The following SOX5 variants were observed in gnomAD, a reference collection of about 807,000 sequenced individuals.
SOX5 encodes the protein SRY-box transcription factor 5, also known as transcription factor SOX-5.
Under a neutral mutation model 92.0 loss-of-function variants are expected in SOX5, and 9 were observed. The ratio of observed to expected loss-of-function variants is 0.10; its 90% CI spans 0.06 to 0.17. SOX5 has a LOEUF of 0.17. Ranked by LOEUF, SOX5 falls within the 10% of genes least tolerant of loss-of-function variation. The pLI is 1.00. For missense variants in SOX5, 642 were observed against 944.5 expected, an observed-to-expected ratio of 0.68 and a Z score of 4.20; for synonymous variants, 344 against 336.3, an observed-to-expected ratio of 1.02 and a Z score of -0.25.
At chr12:24,421,936 G>C (rs939323512) in intron 1 of SOX5, among the ~76,000 whole-genome samples, 3 of 152,138 alleles carry the variant, frequency 2.0e-5, no homozygotes, top group African/African-American at 7.2e-5. Context: ...CATCAAACCT[G>C]GACAAAGGGC....
At chr12:23,793,953 T>C (rs2095519449) in intron 3 of SOX5, among the ~76,000 whole-genome samples, 2 of 152,202 alleles carry the variant, frequency 1.3e-5, no homozygotes, top group Non-Finnish European at 2.9e-5. Context: ...TCTCCAGGTC[T>C]GTTACCATCA....
At chr12:23,917,331 A>C (rs1428691483) in intron 1 of SOX5, among the ~76,000 whole-genome samples, 1 of 152,136 alleles carries the variant, frequency 6.6e-6, no homozygotes, top group Non-Finnish European at 1.5e-5. Context: ...ACATGATGCC[A>C]AGAGTTCGAG....
chr12:23,579,314 T>C lies in SOX5; in HGVS notation c.1165-3476A>G, dbSNP rs551028821. 1.5e-4 allele frequency among the ~76,000 whole-genome samples: 23 copies of C among 152,292 alleles called. No homozygotes were observed. In the South Asian group the frequency reaches 4.1e-3, roughly 27 times the overall value. On this transcript the variant is annotated intron_variant, in intron 9 of 14. Coordinates refer to ENST00000451604, the MANE Select transcript of SOX5 (RefSeq NM_006940.6). ...CAGAGGTTGACAGTTCCAAAGTTGATATAAATGTCATTCAAAATTGCCCTT... is the reference window on the plus strand; with the variant it reads ...CAGAGGTTGACAGTTCCAAAGTTGACATAAATGTCATTCAAAATTGCCCTT...
At chr12:24,365,405 T>G (rs746524439) in intron 2 of SOX5, among the ~76,000 whole-genome samples, 12 of 152,086 alleles carry the variant, frequency 7.9e-5, no homozygotes, top group Non-Finnish European at 1.3e-4. Context: ...TGTCTTCACC[T>G]TGTTAAAAGG....
At chr12:24,157,020 G>A (rs1168529421) in intron 4 of SOX5, among the ~76,000 whole-genome samples, 12 of 152,038 alleles carry the variant, frequency 7.9e-5, no homozygotes, top group Admixed American at 7.9e-4. Flanking sequence ...TTAGCATTTA[G>A]TACTTCTCTT....
intron 13 of SOX5, among the ~76,000 whole-genome samples, chr12:23,542,519 T>A (rs1023370794): frequency 6.6e-6 from 1 of 152,198 alleles, no homozygotes; most frequent in African/African-American, 2.4e-5. Context: ...TCCCCAACCA[T>A]TTTTCCTGTG....
At chr12:23,541,909 G>A (rs1284646608) in intron 13 of SOX5, among the ~76,000 whole-genome samples, 1 of 152,150 alleles carries the variant, frequency 6.6e-6, no homozygotes, top group African/African-American at 2.4e-5. Flanking sequence ...TCAGAACTTC[G>A]AGGCCAGCCT....
intron 1 of SOX5, among the ~76,000 whole-genome samples, chr12:24,561,746 A>G (rs1178724448): frequency 6.7e-6 from 1 of 149,970 alleles, no homozygotes; most frequent in Admixed American, 6.6e-5. Flanking sequence ...AGTGGTAGGG[A>G]GAAGGATTGC....
intron 4 of SOX5, among the ~76,000 whole-genome samples, chr12:24,151,719 T>C (rs1951674733): frequency 6.6e-6 from 1 of 152,170 alleles, no homozygotes; most frequent in African/African-American, 2.4e-5. Context: ...CTGCAGTTAC[T>C]GCTATGCCCT....
chr12:24,281,961 C>T (rs1028999403), intron 2 of SOX5, among the ~76,000 whole-genome samples: 12 of 44,182 alleles, frequency 2.7e-4, no homozygotes, highest in African/African-American at 1.8e-3. Context: ...TTCCTCGATG[C>T]GATTTCCGGG....
intron 4 of SOX5, among the ~76,000 whole-genome samples, chr12:23,975,371 C>T (rs867586547): frequency 2.0e-5 from 3 of 151,766 alleles, no homozygotes; most frequent in Non-Finnish European, 4.4e-5. Flanking sequence ...AAGTGTAAAG[C>T]GTGAAAGTAA....
intron 13 of SOX5, among the ~76,000 whole-genome samples, chr12:23,542,616 G>A (rs1942324875): frequency 1.3e-5 from 2 of 152,156 alleles, no homozygotes; most frequent in Admixed American, 1.3e-4. Context: ...TATTTAGTAT[G>A]ACTAAAAGTA....
Position 23,734,708 on chromosome 12 carries a change from G to A in SOX5, c.786C>T (p.Ile262=), listed in dbSNP as rs1414368700. 6.2e-7 allele frequency: 1 copy of A among 1,612,734 alleles called. No homozygotes were observed. The highest frequency in any genetic ancestry group is 8.5e-7 in the Non-Finnish European group (1 of 1,179,300). ...QQQLLQQQHK[I]NLLQQQIQVQ... Reference sequence around the variant, plus strand: ...CCTGGATCTGTTGCTGGAGCAAATTGATTTTGTGTTGTTGCTGTAGAAGCT... The same window carrying A: ...CCTGGATCTGTTGCTGGAGCAAATTAATTTTGTGTTGTTGCTGTAGAAGCT... The change falls in exon 6 of 15, where the codon ATC becomes ATT. Residue 262 remains isoleucine (I), a synonymous_variant. Transcript: ENST00000451604.
intron 3 of SOX5, among the ~76,000 whole-genome samples, chr12:24,239,281 T>C (rs750973137): frequency 1.2e-4 from 18 of 152,160 alleles, no homozygotes; most frequent in Non-Finnish European, 2.2e-4. Context: ...AGTAGCTCCC[T>C]GAATCAAAAA....
chr12:24,310,173 C>A (rs892755092), intron 2 of SOX5, among the ~76,000 whole-genome samples: 2 of 152,072 alleles, frequency 1.3e-5, no homozygotes, highest in African/African-American at 4.8e-5. Context: ...TTATAGCCTA[C>A]CTTTTGGCCT....
At chr12:24,352,384 A>T (rs1001998137) in intron 2 of SOX5, among the ~76,000 whole-genome samples, 1 of 152,196 alleles carries the variant, frequency 6.6e-6, no homozygotes, top group African/African-American at 2.4e-5. Context: ...CTAAAAAAAA[A>T]GTTGAATAAC....
chr12:24,366,902 G>A (rs1201761543), intron 2 of SOX5, among the ~76,000 whole-genome samples: 1 of 151,288 alleles, frequency 6.6e-6, no homozygotes, highest in Non-Finnish European at 1.5e-5. Flanking sequence ...TGGAGAAAAA[G>A]ACAGAGAGAA....
At chr12:23,830,747 A>C (rs1260525288) in intron 3 of SOX5, among the ~76,000 whole-genome samples, 2 of 152,172 alleles carry the variant, frequency 1.3e-5, no homozygotes, top group Non-Finnish European at 1.5e-5. Context: ...TAATTTCCCC[A>C]TAAAAATAGT....
intron 6 of SOX5, among the ~76,000 whole-genome samples, chr12:23,672,517 C>T (rs1292910399): frequency 6.6e-6 from 1 of 152,078 alleles, no homozygotes; most frequent in Non-Finnish European, 1.5e-5. Context: ...AGAAGCAGCA[C>T]CACAGAGAGG....
Sources: gnomAD v4.1 joint callset for allele counts (sites outside exome capture counted in the v4.1 genomes callset) on GRCh38, gnomAD v4.1.1 for gene constraint, MANE v1.5 for transcripts, NCBI Gene and HGNC (gene_info 2026-07-23, HGNC 2026-07-21) for gene names.